Variants in PDLIM2 observed in about 807,000 individuals in gnomAD.
PDLIM2 encodes PDZ and LIM domain protein 2.
A neutral mutation model predicts 54.1 loss-of-function variants in PDLIM2; 51 were observed. The observed-to-expected ratio is 0.94, with a 90% CI of 0.75 to 1.19. PDLIM2 has a LOEUF of 1.19. Ranked by LOEUF, PDLIM2 falls within the 50% of genes most tolerant of loss-of-function variation. The probability of loss-of-function intolerance (pLI) is 0.00; values close to 1 mark genes in which losing one functional copy is unlikely to be tolerated. For synonymous variants in PDLIM2, 398 were observed against 385.6 expected, an observed-to-expected ratio of 1.03 and a Z score of -0.38; for missense variants, 912 against 874.0, an observed-to-expected ratio of 1.04 and a Z score of -0.55.
At chr8:22,594,814 A>C, downstream of PDLIM2, 3 of 1,168,336 alleles carry the variant, frequency 2.6e-6, no homozygotes, top group Non-Finnish European at 3.5e-6. Context: ...CTTTAGGCCC[A>C]GGTACTGGGG....
intron 6 of PDLIM2, among the ~76,000 whole-genome samples, chr8:22,587,448 A>C (rs1211735202): frequency 6.6e-6 from 1 of 152,154 alleles, no homozygotes; most frequent in Admixed American, 6.5e-5. Context: ...ATTTTTCTTT[A>C]TATCCTAAAC....
chr8:22,585,267 C>T (rs373642876), intron 5 of PDLIM2, 54 bp from the exon 5 acceptor site: 1 of 1,604,364 alleles, frequency 6.2e-7, no homozygotes. Context: ...GCAGCATCCT[C>T]CCTGGGCAGG....
chr8:22,592,077 C>CTTTTTTTTTTTTTTTTTTTTTTT (rs60908593), intron 9 of PDLIM2: 30 of 95,188 alleles, frequency 3.2e-4, no homozygotes, highest in South Asian at 7.1e-4. Context: ...TCTTTCTTTT[C>CTTTTTTTTTTTTTTTTTTTTTTT]TTTTTTTTTT....
At chr8:22,582,399 A>G (rs1427447971) in intron 3 of PDLIM2, among the ~76,000 whole-genome samples, 1 of 152,018 alleles carries the variant, frequency 6.6e-6, no homozygotes. Flanking sequence ...ACCTCATGGC[A>G]TCTGGGAATG....
intron 3 of PDLIM2, among the ~76,000 whole-genome samples, chr8:22,583,384 C>T (rs1324118293): frequency 1.3e-5 from 2 of 152,104 alleles, no homozygotes; most frequent in South Asian, 2.1e-4. Context: ...GCCCAGTCAC[C>T]GTGGGCTCTA....
At chr8:22,584,486 A>G (rs898972616) in intron 3 of PDLIM2, among the ~76,000 whole-genome samples, 2 of 151,726 alleles carry the variant, frequency 1.3e-5, no homozygotes, top group African/African-American at 4.8e-5. Flanking sequence ...TTAAAAAAAA[A>G]TTTTAGTAGT....
chr8:22,579,064 C>A (rs565361049), exon 1 of PDLIM2: 5 of 1,248,736 alleles, frequency 4.0e-6, no homozygotes, highest in Non-Finnish European at 5.0e-6. Flanking sequence ...CTAGGGGCGG[C>A]GGCAGGGGCG....
chr8:22,594,777 G>T, downstream of PDLIM2: 5 of 1,380,058 alleles, frequency 3.6e-6, no homozygotes, highest in East Asian at 5.0e-5. Context: ...TGATTTGGAG[G>T]GGGGAAAAAG....
At chr8:22,594,458 A>G, downstream of PDLIM2, 1 of 1,609,668 alleles carries the variant, frequency 6.2e-7, no homozygotes, top group Admixed American at 1.7e-5. Context: ...TTTCCCATGG[A>G]AGGGCCTTGC....
intron 3 of PDLIM2, among the ~76,000 whole-genome samples, chr8:22,582,210 T>A (rs1403862611): frequency 1.5e-4 from 23 of 152,288 alleles, no homozygotes; most frequent in Non-Finnish European, 4.4e-5. Flanking sequence ...GCCTAGAACC[T>A]GAGTCAGACA....
At chr8:22,579,880 A>C in intron 1 of PDLIM2, 1 of 240,650 alleles carries the variant, frequency 4.2e-6, no homozygotes, top group Non-Finnish European at 8.0e-6. Flanking sequence ...GTCGGGCAGC[A>C]TCAGGAATCT....
intron 6 of PDLIM2, chr8:22,585,635 A>AC (rs1800353016): frequency 8.7e-6 from 1 of 115,388 alleles, no homozygotes; most frequent in Non-Finnish European, 1.5e-5. Context: ...CATCTCCTGC[A>AC]CCCCTCCCCT....
intron 8 of PDLIM2, 105 bp downstream of exon 7, chr8:22,589,846 T>C: frequency 6.9e-7 from 1 of 1,450,592 alleles, no homozygotes; most frequent in East Asian, 2.5e-5. Flanking sequence ...TGTGAGGTGC[T>C]CACCCCAGGA....
intron 7 of PDLIM2, 58 bp from the exon 7 acceptor site, chr8:22,589,538 C>A: frequency 1.3e-6 from 2 of 1,560,882 alleles, no homozygotes; most frequent in East Asian, 2.4e-5. Context: ...CCCCCACCCC[C>A]TTGCTTGCCT....
exon 4 of PDLIM2, chr8:22,584,850 A>G (rs1203218826): frequency 1.2e-6 from 2 of 1,614,124 alleles, no homozygotes; most frequent in African/African-American, 2.7e-5. Flanking sequence ...GGGCAGACCA[A>G]TGGGGACAGC....
intron 1 of PDLIM2, chr8:22,579,610 C>G: frequency 7.4e-7 from 1 of 1,346,918 alleles, no homozygotes; most frequent in Non-Finnish European, 9.5e-7. Flanking sequence ...AGGCCTGGGC[C>G]CAAGGGGAAG....
At chr8:22,586,600 G>C (rs986297251) in intron 6 of PDLIM2, among the ~76,000 whole-genome samples, 2 of 152,000 alleles carry the variant, frequency 1.3e-5, no homozygotes, top group Admixed American at 6.6e-5. Context: ...GGGGCTGGGG[G>C]ATTTTTTAGG....
At chr8:22,581,404 A>G (rs1417193586) in exon 3 of PDLIM2, 1 of 1,606,810 alleles carries the variant, frequency 6.2e-7, no homozygotes, top group South Asian at 1.1e-5. Context: ...AAAGCCAAGG[A>G]CGCTGACCTC....
intron 1 of PDLIM2, chr8:22,579,865 T>G: frequency 7.7e-6 from 2 of 259,140 alleles, no homozygotes; most frequent in South Asian, 1.4e-4. Flanking sequence ...TCACCCCGGC[T>G]GTCTGTCGGG....
Sources: allele counts gnomAD v4.1 joint callset (sites outside exome capture counted in the v4.1 genomes callset), GRCh38; gene constraint gnomAD v4.1.1; transcripts MANE v1.5; gene names NCBI Gene and HGNC (gene_info 2026-07-23, HGNC 2026-07-21).